Variants in ARHGEF12 observed in about 807,000 individuals in gnomAD.
ARHGEF12 encodes the protein KMT2A/ARHGEF12 fusion protein.
A neutral mutation model predicts 211.2 loss-of-function variants in ARHGEF12; 66 were observed. That is an observed-to-expected ratio of 0.31 (90% CI 0.26 to 0.38). The LOEUF is 0.38. ARHGEF12 is among the 10% of genes least tolerant of loss of function. ARHGEF12 has a pLI of 1.00. For synonymous variants in ARHGEF12, 592 were observed against 638.4 expected (o/e 0.93, Z 1.09); for missense variants, 1,429 against 1,869.5 (o/e 0.76, Z 4.34).
chr11:120,400,012 C>A lies in ARHGEF12; in HGVS notation c.33-6106C>A, dbSNP rs568667646. On this transcript the variant is annotated intron_variant, in intron 1 of 40. Transcript: ENST00000397843. Reference sequence around the variant, plus strand: ...TGTATGTTGGAGCCTGTCTCAACGACACTTAAAAGCTAAGACTTTCTACTT... The same window carrying A: ...TGTATGTTGGAGCCTGTCTCAACGAAACTTAAAAGCTAAGACTTTCTACTT... Among the ~76,000 whole-genome samples, 8 of 152,258 alleles carry A rather than the reference C, an allele frequency of 5.3e-5. No individual in the cohort carries two copies. In the South Asian group the frequency reaches 1.7e-3, roughly 32 times the overall value.
At chr11:120,476,563 A>G (rs1229509426) in intron 33 of ARHGEF12, 98 bp from the exon 34 acceptor site, 3 of 691,822 alleles carry the variant, frequency 4.3e-6, no homozygotes, top group Non-Finnish European at 6.9e-6. Flanking sequence ...TGTAACCTTT[A>G]TCTAGTTTAA....
chr11:120,368,873 C>G (rs550466671), intron 1 of ARHGEF12, among the ~76,000 whole-genome samples: 35 of 151,994 alleles, frequency 2.3e-4, no homozygotes, highest in African/African-American at 8.0e-4. Flanking sequence ...TTTTCTGCCC[C>G]CTCCCTCCTT....
chr11:120,441,270 A>T (rs1424523045), intron 13 of ARHGEF12, among the ~76,000 whole-genome samples: 1 of 152,120 alleles, frequency 6.6e-6, no homozygotes, highest in Non-Finnish European at 1.5e-5. Flanking sequence ...ATATTTAGGG[A>T]TTATACAAAT....
Position 120,437,347 on chromosome 11 carries a change from GA to G in ARHGEF12, c.968del (p.Asn323ThrfsTer24). 1 of 1,612,790 alleles carries G rather than the reference GA, an allele frequency of 6.2e-7. No individual in the cohort carries two copies. The highest frequency in any genetic ancestry group is 1.1e-5 in the South Asian group (1 of 90,972). ...SGPKERIYLE[E>X]NPEKSETIQD... is the part of the protein sequence containing the mutation. ...CCCAAAAGAGAGAATTTATCTAGAG[GA>G]AAACCCAGAGAAAAGTGAAACAATT... On this transcript the variant is annotated frameshift_variant, in exon 12 of 41. Transcript: ENST00000397843. LOFTEE classifies it high-confidence loss of function.
rs544781747 is a variant in ARHGEF12 at position 120,431,896 on chromosome 11, T to C, written c.909T>C (p.Ser303=). The C allele has an allele frequency of 6.2e-7, 1 of 1,604,350 alleles. No homozygotes were observed. The highest frequency in any genetic ancestry group is 1.7e-5 in the Admixed American group (1 of 57,366). Reference sequence around the variant, plus strand: ...GCAGTGGAGATGCTTCTCGGCCCAGTAGTGACAATGCAGATGTAAGCTTTC... The same window carrying C: ...GCAGTGGAGATGCTTCTCGGCCCAGCAGTGACAATGCAGATGTAAGCTTTC... ...DCSSGDASRP[S]SDNADSPKSG... Residue 303 remains serine (S), a synonymous_variant, in exon 11 of 41, where the codon AGT becomes AGC. Coordinates refer to ENST00000397843, the MANE Select transcript of ARHGEF12 (RefSeq NM_015313.3).
Position 120,457,164 on chromosome 11 carries a change from T to C in ARHGEF12, c.2103T>C (p.Asp701=). Reference sequence around the variant, plus strand: ...CATCAGCACCTGGAGACACCTTAGATGGCACACCTCGTACTCTCAATACTG... The same window carrying C: ...CATCAGCACCTGGAGACACCTTAGACGGCACACCTCGTACTCTCAATACTG... ...GETSAPGDTL[D]GTPRTLNTVF... Residue 701 remains aspartate (D), a synonymous_variant, in exon 23 of 41, where the codon GAT becomes GAC. Coordinates refer to ENST00000397843, the MANE Select transcript of ARHGEF12 (RefSeq NM_015313.3). 7 of 1,614,116 alleles carry C rather than the reference T, an allele frequency of 4.3e-6. No individual in the cohort carries two copies. The highest frequency in any genetic ancestry group is 5.1e-6 in the Non-Finnish European group (6 of 1,179,988).
At chr11:120,414,029 TG>T (rs1944958248) in intron 4 of ARHGEF12, among the ~76,000 whole-genome samples, 1 of 152,158 alleles carries the variant, frequency 6.6e-6, no homozygotes, top group East Asian at 1.9e-4. Flanking sequence ...ATATGATCAT[TG>T]GTAATTATCT....
intron 1 of ARHGEF12, among the ~76,000 whole-genome samples, chr11:120,377,142 TC>T (rs1437296457): frequency 6.6e-6 from 1 of 152,224 alleles, no homozygotes; most frequent in Admixed American, 6.5e-5. Flanking sequence ...TTCCTTAAGT[TC>T]ACTCATTTTA....
chr11:120,465,834 G>A (rs1315867705), intron 28 of ARHGEF12, among the ~76,000 whole-genome samples: 1 of 152,180 alleles, frequency 6.6e-6, no homozygotes, highest in African/African-American at 2.4e-5. Flanking sequence ...CTTTGGAATG[G>A]TGAAGAATAA....
At chr11:120,482,832 G>C (rs1391590568) in intron 39 of ARHGEF12, among the ~76,000 whole-genome samples, 1 of 151,998 alleles carries the variant, frequency 6.6e-6, no homozygotes, top group Non-Finnish European at 1.5e-5. Flanking sequence ...CCAGAGACTT[G>C]AGGGGTAGAT....
intron 4 of ARHGEF12, among the ~76,000 whole-genome samples, chr11:120,417,921 A>G (rs796190073): frequency 4.6e-5 from 7 of 152,354 alleles, no homozygotes; most frequent in African/African-American, 1.4e-4. Context: ...CACTGAACAG[A>G]TAACAAAGGT....
chr11:120,435,164 A>G (rs77657279), intron 11 of ARHGEF12, among the ~76,000 whole-genome samples: 6,779 of 152,218 alleles, frequency 0.045, 224 homozygotes, highest in South Asian at 0.093. Context: ...TTAAGTCTTT[A>G]TAATTTATAA....
At chr11:120,377,239 A>G (rs1188848522) in intron 1 of ARHGEF12, among the ~76,000 whole-genome samples, 15 of 152,054 alleles carry the variant, frequency 9.9e-5, no homozygotes, top group Admixed American at 9.2e-4. Flanking sequence ...CATTTCCATC[A>G]CCCCAAAAAA....
chr11:120,351,250 C>G (rs1285868931), intron 1 of ARHGEF12, among the ~76,000 whole-genome samples: 1 of 136,066 alleles, frequency 7.3e-6, no homozygotes, highest in Non-Finnish European at 1.5e-5. Flanking sequence ...ACTCGGGAGA[C>G]TGAGGAGAAT....
At chr11:120,423,477 CTG>C (rs1029991480) in intron 6 of ARHGEF12, among the ~76,000 whole-genome samples, 69 of 152,178 alleles carry the variant, frequency 4.5e-4, no homozygotes, top group African/African-American at 6.3e-4. Flanking sequence ...TATTACATAA[CTG>C]TGCATAAACT....
At chr11:120,445,539 TA>T in intron 16 of ARHGEF12, 75 bp downstream of exon 16, 1 of 1,401,660 alleles carries the variant, frequency 7.1e-7, no homozygotes, top group Non-Finnish European at 1.0e-6. Context: ...GTTCAGGTTT[TA>T]TCTGTCACAT....
At chr11:120,415,263 C>T (rs1375604414) in intron 4 of ARHGEF12, among the ~76,000 whole-genome samples, 1 of 151,944 alleles carries the variant, frequency 6.6e-6, no homozygotes, top group Non-Finnish European at 1.5e-5. Flanking sequence ...ACATACAGGG[C>T]CTATTTTCTG....
chr11:120,432,070 T>C (rs1469672526), intron 11 of ARHGEF12, among the ~76,000 whole-genome samples, 159 bp downstream of exon 11: 2 of 152,212 alleles, frequency 1.3e-5, no homozygotes, highest in Non-Finnish European at 2.9e-5. Flanking sequence ...TGGTTACTGT[T>C]ATATATAAGC....
intron 1 of ARHGEF12, chr11:120,337,620 C>T (rs1323874870): frequency 9.1e-6 from 9 of 985,132 alleles, no homozygotes; most frequent in African/African-American, 1.7e-5. Context: ...GAAGTCGGCT[C>T]GGTATTGGTG....
Sources: gnomAD v4.1 joint callset for allele counts (sites outside exome capture counted in the v4.1 genomes callset) on GRCh38, gnomAD v4.1.1 for gene constraint, MANE v1.5 for transcripts, NCBI Gene and HGNC (gene_info 2026-07-23, HGNC 2026-07-21) for gene names.